The following SHROOM3 variants were observed in gnomAD, a reference collection of about 807,000 sequenced individuals.
The protein encoded by SHROOM3 is shroom family member 3.
SHROOM3 carries 47 observed loss-of-function variants against 138.6 expected under a neutral mutation model. The ratio of observed to expected loss-of-function variants is 0.34; its 90% CI spans 0.27 to 0.43. SHROOM3 has a LOEUF of 0.43. Among genes scored for constraint, SHROOM3 ranks in the 20% least tolerant of loss-of-function variants. The probability of loss-of-function intolerance (pLI) is 1.00; values close to 1 mark genes in which losing one functional copy is unlikely to be tolerated. For missense variants in SHROOM3, 2,491 were observed against 2,596.5 expected (o/e 0.96, Z 0.88); for synonymous variants, 1,062 against 1,063.3 (o/e 1.00, Z 0.02).
At chr4:76,535,581 G>A (rs572181577) in intron 1 of SHROOM3, among the ~76,000 whole-genome samples, 3 of 152,274 alleles carry the variant, frequency 2.0e-5, no homozygotes, top group Non-Finnish European at 2.9e-5. Flanking sequence ...AATTTCCACT[G>A]TAGGAAGTAG....
At chr4:76,651,260 T>C (rs546131481) in intron 2 of SHROOM3, among the ~76,000 whole-genome samples, 1 of 151,896 alleles carries the variant, frequency 6.6e-6, no homozygotes, top group African/African-American at 2.4e-5. Flanking sequence ...CTTAATCGTG[T>C]ATTTTAAAAT....
At chr4:76,772,103 C>CTTTT (rs35590411) in intron 10 of SHROOM3, among the ~76,000 whole-genome samples, 2 of 125,140 alleles carry the variant, frequency 1.6e-5, no homozygotes, top group African/African-American at 3.1e-5. Context: ...TTTTCTTTTT[C>CTTTT]TTTTTTTTTT....
intron 2 of SHROOM3, chr4:76,586,369 G>A (rs1384652371): frequency 1.0e-6 from 1 of 985,614 alleles, no homozygotes; most frequent in Non-Finnish European, 1.2e-6. Flanking sequence ...AAGCCACCAA[G>A]CCCCCGCGGT....
chr4:76,624,867 TG>T (rs1404558832), intron 2 of SHROOM3, among the ~76,000 whole-genome samples: 1 of 152,218 alleles, frequency 6.6e-6, no homozygotes, highest in Non-Finnish European at 1.5e-5. Flanking sequence ...TGGTCTACAA[TG>T]GATTTTAGTA....
intron 6 of SHROOM3, among the ~76,000 whole-genome samples, chr4:76,750,873 G>A (rs1207357319): frequency 2.6e-5 from 4 of 151,674 alleles, no homozygotes; most frequent in South Asian, 2.1e-4. Flanking sequence ...GACAAGCATC[G>A]CATACCACTG....
Position 76,754,784 on chromosome 4 carries a change from C to A in SHROOM3, c.4301C>A (p.Ala1434Asp), listed in dbSNP as rs750094976. Residue 1434 changes from alanine to aspartate, a missense_variant, in exon 7 of 11, where the codon GCC becomes GAC. By Grantham distance (126) the Ala-to-Asp change is moderately radical. This residue lies in a region of SHROOM3 where 1,733 missense variants were observed against 1,661.6 expected (regional missense o/e 1.04). Transcript: ENST00000296043. ...QWPPPSRAKWAHAAREDSLPE... is the reference protein window; with the variant it reads ...QWPPPSRAKWDHAAREDSLPE... Reference sequence around the variant, plus strand: ...CCACCTCCTTCTCGAGCAAAGTGGGCCCACGCAGCCAGAGAGGACAGCCTT... The same window carrying A: ...CCACCTCCTTCTCGAGCAAAGTGGGACCACGCAGCCAGAGAGGACAGCCTT... 1.2e-6 allele frequency: 2 copies of A among 1,614,164 alleles called. No individual in the cohort carries two copies. The highest frequency in any genetic ancestry group is 3.3e-5 in the Admixed American group (2 of 60,024).
chr4:76,564,080 A>T lies in SHROOM3; in HGVS notation c.323+8317A>T, dbSNP rs142085587. Among the ~76,000 whole-genome samples, 136 of 152,232 alleles carry T rather than the reference A, an allele frequency of 8.9e-4. 1 individual carries two copies. The East Asian group carries it at 0.023, about 26-fold the overall frequency. On this transcript the variant is annotated intron_variant, in intron 2 of 10. Coordinates refer to ENST00000296043, the MANE Select transcript of SHROOM3 (RefSeq NM_020859.4). ...TCTCACCTCCACATGTCTCCTGAAG[A>T]GCTGTGACCACCCTCCCATGCCCCG...
Position 76,759,594 on chromosome 4 carries a change from T to C in SHROOM3, c.5248T>C (p.Tyr1750His), listed in dbSNP as rs911249001. 1.2e-6 allele frequency: 2 copies of C among 1,614,106 alleles called. No individual in the cohort carries two copies. The highest frequency in any genetic ancestry group is 2.7e-5 in the African/African-American group (2 of 74,944). ...CATGTTGGTTAACTGCCCTGCCTACTACAGTGTGTCTGCTCCCAAGGCTGA... is the reference window on the plus strand; with the variant it reads ...CATGTTGGTTAACTGCCCTGCCTACCACAGTGTGTCTGCTCCCAAGGCTGA... Reference protein sequence around the residue: ...VSMLVNCPAYYSVSAPKAELL... With the variant: ...VSMLVNCPAYHSVSAPKAELL... The change falls in exon 9 of 11, where the codon TAC becomes CAC. Residue 1750 changes from tyrosine (Y) to histidine (H), a missense_variant. Tyr to His is a moderately conservative substitution (Grantham distance 83). Transcript: ENST00000296043.
chr4:76,452,225 A>G lies in SHROOM3; in HGVS notation c.168+16005A>G, dbSNP rs532179832. Among the ~76,000 whole-genome samples the G allele has an allele frequency of 3.3e-5, 5 of 152,376 alleles. No homozygotes were observed. In the East Asian group the frequency reaches 5.8e-4, roughly 18 times the overall value. ...TTAAACTTTTTGTGGTAAAATATAC[A>G]TAACATAAAATTAACCATTTTAGCC... On this transcript the variant is annotated intron_variant, in intron 1 of 10. Transcript: ENST00000296043.
At position 76,521,613 on chromosome 4, in the gene SHROOM3, T is replaced by C. The variant is rs547900558; in HGVS notation, c.169-33996T>C. 6.6e-4 allele frequency among the ~76,000 whole-genome samples: 100 copies of C among 152,280 alleles called. 1 individual carries two copies. The highest frequency in any genetic ancestry group is 1.7e-3 in the South Asian group (8 of 4,816). ...CACATTTTCACACAGAAAAATAACATTGTAGAAGTGGCGACGGCAAAGTCA... is the reference window on the plus strand; with the variant it reads ...CACATTTTCACACAGAAAAATAACACTGTAGAAGTGGCGACGGCAAAGTCA... On this transcript the variant is annotated intron_variant, in intron 1 of 10. Transcript: ENST00000296043.
intron 2 of SHROOM3, among the ~76,000 whole-genome samples, chr4:76,669,148 T>C (rs1240496598): frequency 1.3e-5 from 2 of 152,252 alleles, no homozygotes; most frequent in East Asian, 3.8e-4. Flanking sequence ...TTGCTTTTAC[T>C]GTTTTAACAA....
At chr4:76,558,203 A>G (rs138371289) in intron 2 of SHROOM3, among the ~76,000 whole-genome samples, 1,841 of 152,336 alleles carry the variant, frequency 0.012, 20 homozygotes, top group Non-Finnish European at 0.018. Context: ...AGATGGTGAT[A>G]TAAGATTTGA....
intron 2 of SHROOM3, among the ~76,000 whole-genome samples, chr4:76,654,645 G>A (rs535293088): frequency 5.1e-4 from 77 of 152,274 alleles, no homozygotes; most frequent in African/African-American, 1.8e-3. Flanking sequence ...ATGGGAAATA[G>A]GGGACAGGAT....
At chr4:76,659,856 A>T (rs539790028) in intron 2 of SHROOM3, among the ~76,000 whole-genome samples, 11 of 152,316 alleles carry the variant, frequency 7.2e-5, no homozygotes, top group Admixed American at 2.6e-4. Context: ...TGCTGGGATT[A>T]CAGGCGTGAG....
intron 2 of SHROOM3, among the ~76,000 whole-genome samples, chr4:76,673,668 T>TA (rs1221347222): frequency 4.6e-5 from 7 of 152,066 alleles, no homozygotes; most frequent in African/African-American, 7.2e-5. Context: ...GTGTTTTTGT[T>TA]AAAAAAAATT....
At chr4:76,460,042 A>G (rs987696683) in intron 1 of SHROOM3, among the ~76,000 whole-genome samples, 3 of 152,212 alleles carry the variant, frequency 2.0e-5, no homozygotes, top group African/African-American at 7.2e-5. Context: ...TATCATCAGA[A>G]TTTTTATATT....
At chr4:76,600,828 G>A (rs1332530195) in intron 2 of SHROOM3, among the ~76,000 whole-genome samples, 1 of 152,162 alleles carries the variant, frequency 6.6e-6, no homozygotes, top group Non-Finnish European at 1.5e-5. Flanking sequence ...AGGGAGTGGT[G>A]AGAATTCAGG....
chr4:76,605,982 C>T (rs1214158557), intron 2 of SHROOM3, among the ~76,000 whole-genome samples: 7 of 94,946 alleles, frequency 7.4e-5, no homozygotes, highest in African/African-American at 3.4e-4. Flanking sequence ...CACATATACA[C>T]ACACACACAT....
At chr4:76,774,487 A>AC (rs1408578766) in intron 10 of SHROOM3, among the ~76,000 whole-genome samples, 1 of 152,034 alleles carries the variant, frequency 6.6e-6, no homozygotes, top group African/African-American at 2.4e-5. Flanking sequence ...TCTAAAAAAA[A>AC]TTTTTTTAAT....
Sources: allele counts gnomAD v4.1 joint callset (sites outside exome capture counted in the v4.1 genomes callset), GRCh38; gene constraint gnomAD v4.1.1; regional missense constraint gnomAD v4.1.1; transcripts MANE v1.5; gene names NCBI Gene and HGNC (gene_info 2026-07-23, HGNC 2026-07-21).